Variants in PARD3B observed in about 807,000 individuals in gnomAD.
PARD3B encodes the protein par-3 family cell polarity regulator beta.
In PARD3B, 103 loss-of-function variants were observed where a neutral mutation model predicts 130.2. That is an observed-to-expected ratio of 0.79 (90% CI 0.67 to 0.93). The LOEUF (loss-of-function observed/expected upper bound fraction) is 0.93, where lower values mean the gene tolerates loss of function less well. Ranked by LOEUF, PARD3B falls within the 40% of genes least tolerant of loss-of-function variation. PARD3B has a pLI of 0.00. For synonymous variants in PARD3B, 583 were observed against 553.2 expected, an observed-to-expected ratio of 1.05 and a Z score of -0.76; for missense variants, 1,609 against 1,499.2, an observed-to-expected ratio of 1.07 and a Z score of -1.21.
intron 1 of PARD3B, among the ~76,000 whole-genome samples, chr2:204,547,121 T>A (rs2030024333): frequency 1.3e-5 from 2 of 152,226 alleles, no homozygotes; most frequent in Admixed American, 6.5e-5. Context: ...AGTGGGTTGG[T>A]CAATCTAGTG....
intron 18 of PARD3B, among the ~76,000 whole-genome samples, chr2:205,319,884 T>C (rs932719655): frequency 1.3e-5 from 2 of 152,152 alleles, no homozygotes; most frequent in African/African-American, 4.8e-5. Context: ...AAAATATTTA[T>C]TTTGAAAAAC....
chr2:204,722,577 G>T (rs371994889), intron 2 of PARD3B, among the ~76,000 whole-genome samples: 8 of 152,252 alleles, frequency 5.3e-5, no homozygotes, highest in African/African-American at 1.9e-4. Context: ...TTCTTGACTA[G>T]CGAGAAGAGA....
intron 4 of PARD3B, among the ~76,000 whole-genome samples, chr2:205,083,103 T>C (rs1292069486): frequency 1.3e-5 from 2 of 151,872 alleles, no homozygotes; most frequent in African/African-American, 2.4e-5. Flanking sequence ...GTATTTTTAG[T>C]AGAGACAAGG....
intron 22 of PARD3B, among the ~76,000 whole-genome samples, chr2:205,581,267 G>GATAGATATAGATAGAT (rs1553552273): frequency 8.2e-5 from 9 of 109,738 alleles, no homozygotes; most frequent in African/African-American, 2.5e-4. Context: ...TATAGATATA[G>GATAGATATAGATAGAT]ATAGATAGAT....
chr2:204,597,888 T>C (rs2033361860), intron 1 of PARD3B, among the ~76,000 whole-genome samples: 1 of 152,210 alleles, frequency 6.6e-6, no homozygotes, highest in African/African-American at 2.4e-5. Flanking sequence ...AATATGTAAA[T>C]ATATCCTGCA....
chr2:204,819,120 A>T (rs2125540335), intron 2 of PARD3B, among the ~76,000 whole-genome samples: 1 of 152,308 alleles, frequency 6.6e-6, no homozygotes, highest in East Asian at 1.9e-4. Context: ...ACGTATACAT[A>T]CAGAAATTCT....
chr2:205,161,194 G>A (rs983043038), intron 11 of PARD3B, among the ~76,000 whole-genome samples: 9 of 152,054 alleles, frequency 5.9e-5, no homozygotes, highest in African/African-American at 1.9e-4. Context: ...GCAGATATTG[G>A]CGAGCAGGTT....
intron 1 of PARD3B, among the ~76,000 whole-genome samples, chr2:204,617,691 A>G (rs184569415): frequency 1.3e-5 from 2 of 151,826 alleles, no homozygotes; most frequent in Non-Finnish European, 2.9e-5. Flanking sequence ...TCAAGAGGTA[A>G]CTCCCACTCT....
intron 3 of PARD3B, among the ~76,000 whole-genome samples, chr2:205,009,811 A>T (rs548921933): frequency 6.6e-6 from 1 of 152,310 alleles, no homozygotes; most frequent in South Asian, 2.1e-4. Context: ...TGACAAGTAC[A>T]TATTATCTAA....
chr2:204,699,366 C>T (rs1010371788), intron 2 of PARD3B, among the ~76,000 whole-genome samples: 5 of 152,136 alleles, frequency 3.3e-5, no homozygotes, highest in African/African-American at 1.2e-4. Context: ...TGGTCCTTTA[C>T]ATTGTGACAT....
At chr2:205,285,475 AGAGGCCCCTTATTG>A (rs2041358384) in intron 16 of PARD3B, among the ~76,000 whole-genome samples, 1 of 152,118 alleles carries the variant, frequency 6.6e-6, no homozygotes, top group African/African-American at 2.4e-5. Flanking sequence ...CACTGACTTC[AGAGGCCCCTTATTG>A]CCAGTGGGTG....
intron 4 of PARD3B, among the ~76,000 whole-genome samples, chr2:205,060,429 C>T (rs1319396268): frequency 6.6e-6 from 1 of 152,114 alleles, no homozygotes; most frequent in Non-Finnish European, 1.5e-5. Context: ...TTCAGATGGG[C>T]TGAAAGCAGC....
intron 18 of PARD3B, among the ~76,000 whole-genome samples, chr2:205,315,554 G>A (rs767789054): frequency 2.0e-5 from 3 of 152,086 alleles, no homozygotes; most frequent in Admixed American, 6.5e-5. Context: ...CCTGGGAATC[G>A]CTGATGATTG....
intron 3 of PARD3B, among the ~76,000 whole-genome samples, chr2:204,993,834 T>G (rs535735958): frequency 2.2e-5 from 3 of 139,262 alleles, no homozygotes; most frequent in African/African-American, 5.6e-5. Flanking sequence ...AGGAATGTAT[T>G]CATTTCTTCT....
At chr2:204,789,308 C>T (rs886848903) in intron 2 of PARD3B, among the ~76,000 whole-genome samples, 2 of 152,134 alleles carry the variant, frequency 1.3e-5, no homozygotes, top group African/African-American at 2.4e-5. Context: ...TCCTTAGCCT[C>T]CCAAAGCTCT....
chr2:205,290,539 G>C (rs2041569310), intron 16 of PARD3B, among the ~76,000 whole-genome samples: 1 of 152,150 alleles, frequency 6.6e-6, no homozygotes, highest in Non-Finnish European at 1.5e-5. Flanking sequence ...GTAGGACTGA[G>C]GCACTGCCTC....
At chr2:204,674,822 A>G (rs1403025084) in intron 1 of PARD3B, among the ~76,000 whole-genome samples, 1 of 152,232 alleles carries the variant, frequency 6.6e-6, no homozygotes, top group African/African-American at 2.4e-5. Context: ...ATCTGTCGAA[A>G]GTATTCTTTG....
At chr2:205,034,527 T>C (rs1697660959) in intron 3 of PARD3B, among the ~76,000 whole-genome samples, 1 of 152,128 alleles carries the variant, frequency 6.6e-6, no homozygotes, top group African/African-American at 2.4e-5. Context: ...GGTAAATATT[T>C]AATGACTCAA....
At chr2:204,650,518 C>A (rs1387866038) in intron 1 of PARD3B, among the ~76,000 whole-genome samples, 3 of 152,128 alleles carry the variant, frequency 2.0e-5, no homozygotes. Flanking sequence ...CAATAATAGA[C>A]TGGATAAAGA....
Sources: allele counts gnomAD v4.1 joint callset (sites outside exome capture counted in the v4.1 genomes callset), GRCh38; gene constraint gnomAD v4.1.1; transcripts MANE v1.5; gene names NCBI Gene and HGNC (gene_info 2026-07-23, HGNC 2026-07-21).